The following SETX variants were observed in gnomAD, a reference collection of about 807,000 sequenced individuals.
The protein encoded by SETX is senataxin.
A neutral mutation model predicts 227.2 loss-of-function variants in SETX; 90 were observed. The ratio of observed to expected loss-of-function variants is 0.40; its 90% CI spans 0.33 to 0.47. The LOEUF is 0.47. SETX is among the 20% of genes least tolerant of loss of function. The pLI, the probability that SETX is intolerant of heterozygous loss-of-function variation, is 0.91. For synonymous variants in SETX, 1,210 were observed against 1,113.2 expected (o/e 1.09, Z -1.73); for missense variants, 3,052 against 3,181.5 (o/e 0.96, Z 0.98).
chr9:132,342,232 T>G (rs1309181834), intron 5 of SETX, among the ~76,000 whole-genome samples: 2 of 152,216 alleles, frequency 1.3e-5, no homozygotes. Flanking sequence ...TATCTGCTTC[T>G]GTTCCTGCTC....
chr9:132,326,790 C>G lies in SETX; in HGVS notation c.4808G>C (p.Ser1603Thr). The change falls in exon 10 of 26, where the codon AGT (serine) becomes ACT (threonine). Residue 1603 changes from serine (S) to threonine (T), a missense_variant. Physicochemically the swap from Ser to Thr is moderately conservative, Grantham distance 58. Coordinates refer to ENST00000224140, the MANE Select transcript of SETX (RefSeq NM_015046.7). ...RPTTKIFSSK[S>T]TSRIAGLSKS... The stretch of plus-strand genomic sequence containing the variant: ...AGAAAGACCAGCAATTCGTGAAGTA[C>G]TCTTTGAGCTAAAAATCTTAGTGGT... 6.2e-7 allele frequency: 1 copy of G among 1,614,218 alleles called. No homozygotes were observed. Among genetic ancestry groups the G allele is most frequent in the Non-Finnish European group, 8.5e-7 (1 of 1,180,030 alleles).
Position 132,330,405 on chromosome 9 carries a change from C to T in SETX, c.1193G>A (p.Gly398Asp). The change falls in exon 10 of 26, where the codon GGT becomes GAT. Residue 398 changes from glycine (G) to aspartate (D), a missense_variant. By Grantham distance (94) the Gly-to-Asp change is moderately conservative. Coordinates refer to ENST00000224140, the MANE Select transcript of SETX (RefSeq NM_015046.7). ...GCTGTTATGAACACGCATGTCTTGACCAATATCTGACTGAAGTACACTGGC... is the reference window on the plus strand; with the variant it reads ...GCTGTTATGAACACGCATGTCTTGATCAATATCTGACTGAAGTACACTGGC... ...TLASVLQSDI[G>D]QDMRVHNSTF... 6.2e-7 allele frequency: 1 copy of T among 1,614,132 alleles called. No individual in the cohort carries two copies. The highest frequency in any genetic ancestry group is 8.5e-7 in the Non-Finnish European group (1 of 1,179,992).
chr9:132,331,245 G>A (rs1847216644), intron 8 of SETX, 32 bp downstream of exon 8: 2 of 1,612,634 alleles, frequency 1.2e-6, no homozygotes, highest in Non-Finnish European at 1.7e-6. Context: ...TTATAGAGAT[G>A]ATGTTTAAAT....
chr9:132,296,806 A>C lies in SETX; in HGVS notation c.5949+81T>G, dbSNP rs931271912. 1.4e-4 allele frequency: 177 copies of C among 1,251,224 alleles called. 1 individual carries two copies. Among genetic ancestry groups the C allele is most frequent in the South Asian group, 3.0e-4 (25 of 82,436 alleles). The allele number at this position is 1,251,224 out of a possible 1,614,324, so 77.5% of individuals were successfully genotyped here. ...ATCAAAGAGGAAATGGCATGTTAAT[A>C]CTTATTTACATGTCAGTTAACTCAA... On this transcript the variant is annotated intron_variant, in intron 14 of 25. Transcript: ENST00000224140.
At chr9:132,335,484 T>A (rs1349305246) in intron 6 of SETX, among the ~76,000 whole-genome samples, 2 of 152,008 alleles carry the variant, frequency 1.3e-5, no homozygotes, top group African/African-American at 2.4e-5. Context: ...AATTTAATTT[T>A]TTTTTTTTTA....
At chr9:132,320,290 T>C (rs990301270) in intron 10 of SETX, among the ~76,000 whole-genome samples, 2 of 151,778 alleles carry the variant, frequency 1.3e-5, no homozygotes, top group African/African-American at 4.8e-5. Context: ...AAAAAAAAAG[T>C]CTAGGCCGGG....
intron 25 of SETX, chr9:132,269,360 A>G: frequency 7.2e-7 from 1 of 1,392,346 alleles, no homozygotes; most frequent in African/African-American, 1.5e-5. Context: ...TACCTTCTTA[A>G]CAATAATCCT....
At chr9:132,265,206 T>C (rs1350073970) in intron 25 of SETX, among the ~76,000 whole-genome samples, 1 of 148,860 alleles carries the variant, frequency 6.7e-6, no homozygotes, top group Non-Finnish European at 1.5e-5. Context: ...CAACCTATAA[T>C]GGAGAACTTC....
chr9:132,336,146 G>A, intron 6 of SETX, 150 bp downstream of exon 6: 1 of 682,786 alleles, frequency 1.5e-6, no homozygotes, highest in Non-Finnish European at 2.6e-6. Context: ...GGGAGGCTAA[G>A]GCAGGAGAAT....
Position 132,335,166 on chromosome 9 carries a change from A to G in SETX, c.719-439T>C, listed in dbSNP as rs185384716. The stretch of plus-strand genomic sequence containing the variant: ...AGCACTTTGGGAGGCCAAGGCGGGC[A>G]GATCACAAAGTCAGGAGATCGAGAC... On this transcript the variant is annotated intron_variant, in intron 6 of 25. Coordinates refer to ENST00000224140, the MANE Select transcript of SETX (RefSeq NM_015046.7). 0.02 allele frequency among the ~76,000 whole-genome samples: 2,965 copies of G among 151,802 alleles called. 147 individuals carry two copies. In the East Asian group the frequency reaches 0.2, roughly 10 times the overall value.
At chr9:132,279,260 A>G (rs181181193) in intron 20 of SETX, among the ~76,000 whole-genome samples, 1 of 152,208 alleles carries the variant, frequency 6.6e-6, no homozygotes, top group African/African-American at 2.4e-5. Context: ...AGCAACACAG[A>G]AAGTTTCAAA....
In SETX at chr9:132,328,243, T is replaced by C. The variant is rs200072123; in HGVS notation, c.3355A>G (p.Asn1119Asp). The change falls in exon 10 of 26, where the codon AAT (asparagine) becomes GAT (aspartate). Residue 1119 changes from asparagine (N) to aspartate (D), a missense_variant. Around this residue, in one of 10 missense-constraint regions of SETX, gnomAD observed 1,483 missense variants for 1,312.0 expected, o/e 1.13. Coordinates refer to ENST00000224140, the MANE Select transcript of SETX (RefSeq NM_015046.7). ...ACATAATCTGTACAACCCTGACCAT[T>C]TGTAGTATTGGCTATAGGAGCCAAA... Reference protein sequence around the residue: ...KCLAPIANTTNGQGCTDYVSE... With the variant: ...KCLAPIANTTDGQGCTDYVSE... 28 of 1,614,154 alleles carry C rather than the reference T, an allele frequency of 1.7e-5. No homozygotes were observed. The East Asian group carries it at 4.0e-4, about 23-fold the overall frequency.
intron 7 of SETX, among the ~76,000 whole-genome samples, chr9:132,333,105 G>A (rs1847350276): frequency 6.6e-6 from 1 of 151,160 alleles, no homozygotes; most frequent in South Asian, 2.1e-4. Context: ...AAGGCCGGGC[G>A]TGGTGGCTCA....
At chr9:132,302,586 G>C (rs1485756269) in intron 11 of SETX, among the ~76,000 whole-genome samples, 5 of 150,000 alleles carry the variant, frequency 3.3e-5, no homozygotes, top group African/African-American at 1.2e-4. Flanking sequence ...CTTGAACCTG[G>C]GAGGTGGAGA....
At chr9:132,297,962 A>G (rs1844767171) in intron 13 of SETX, 118 bp downstream of exon 13, 2 of 868,678 alleles carry the variant, frequency 2.3e-6, no homozygotes, top group East Asian at 2.6e-5. Flanking sequence ...AACTAACACT[A>G]AACTGTTCAC....
At chr9:132,269,345 TA>T in intron 25 of SETX, 5 of 1,294,336 alleles carry the variant, frequency 3.9e-6, no homozygotes, top group Non-Finnish European at 4.1e-6. Context: ...TCTGTGGGTT[TA>T]ATATACCTTC....
rs564860649 is a variant in SETX, at chr9:132,296,635, T to C, written c.5949+252A>G. Among the ~76,000 whole-genome samples, 9 of 152,200 alleles carry C rather than the reference T, an allele frequency of 5.9e-5. No individual in the cohort carries two copies. In the East Asian group the frequency reaches 1.7e-3, roughly 29 times the overall value. On this transcript the variant is annotated intron_variant, in intron 14 of 25. Transcript: ENST00000224140. The stretch of plus-strand genomic sequence containing the variant: ...TCACAGCATTCTACGTGACCTACCG[T>C]GAAGCCTGAAGACCATCATTCTAGT...
rs2131468950 is a variant in SETX at position 132,331,441 on chromosome 9, A to G, written c.846T>C (p.Ser282=). Residue 282 remains serine (S), a synonymous_variant, in exon 8 of 26, where the codon AGT becomes AGC. Coordinates refer to ENST00000224140, the MANE Select transcript of SETX (RefSeq NM_015046.7). ...HTMEREADDD[S]VDPFWPALHC... is the part of the protein sequence containing the mutation. ...GTAACGCTGGCCAGAAAGGATCCAC[A>G]CTATCATCTGAAATACAATGGCACA... is the stretch of plus-strand genomic sequence containing the variant. 3.7e-6 allele frequency: 6 copies of G among 1,613,970 alleles called. No homozygotes were observed. Among genetic ancestry groups the G allele is most frequent in the Non-Finnish European group, 5.1e-6 (6 of 1,179,952 alleles).
At chr9:132,322,870 C>T (rs1234120312) in intron 10 of SETX, among the ~76,000 whole-genome samples, 1 of 151,712 alleles carries the variant, frequency 6.6e-6, no homozygotes, top group Non-Finnish European at 1.5e-5. Context: ...TAAAAAATAC[C>T]ACATCCATGA....
Sources: allele counts gnomAD v4.1 joint callset (sites outside exome capture counted in the v4.1 genomes callset), GRCh38; gene constraint gnomAD v4.1.1; regional missense constraint gnomAD v4.1.1; transcripts MANE v1.5; gene names NCBI Gene and HGNC (gene_info 2026-07-23, HGNC 2026-07-21).